SASH1: variants seen among roughly 807,000 people sequenced by gnomAD.
SASH1 encodes the protein SAM and SH3 domain-containing protein 1.
A neutral mutation model predicts 125.2 loss-of-function variants in SASH1; 44 were observed. The observed-to-expected ratio is 0.35, with a 90% CI of 0.28 to 0.45. The LOEUF (loss-of-function observed/expected upper bound fraction) is 0.45, where lower values mean the gene tolerates loss of function less well. SASH1 is among the 20% of genes least tolerant of loss of function. SASH1 has a pLI of 1.00. For synonymous variants in SASH1, 639 were observed against 649.1 expected (o/e 0.98, Z 0.24); for missense variants, 1,426 against 1,614.5 (o/e 0.88, Z 2.00).
intron 1 of SASH1, among the ~76,000 whole-genome samples, chr6:148,365,329 T>C (rs2114723461): frequency 6.6e-6 from 1 of 152,316 alleles, no homozygotes; most frequent in South Asian, 2.1e-4. Context: ...GCACCTACTA[T>C]TTGTATCAGT....
chr6:148,534,756 C>T lies in SASH1; in HGVS notation c.1950C>T (p.His650=). The change falls in exon 16 of 20, where the codon CAC becomes CAT. Residue 650 remains histidine (H), a synonymous_variant. Coordinates refer to ENST00000367467, the MANE Select transcript of SASH1 (RefSeq NM_015278.5). The part of the protein sequence containing the change: ...DLLDRINLKE[H]MPTFLFNGYE... Reference sequence around the variant, plus strand: ...CTTCCTTCTCCCTCTCACAGGAGCACATGCCCACTTTCCTGTTCAATGGAT... The same window carrying T: ...CTTCCTTCTCCCTCTCACAGGAGCATATGCCCACTTTCCTGTTCAATGGAT... The T allele has an allele frequency of 6.2e-7, 1 of 1,614,226 alleles. No individual in the cohort carries two copies. Among genetic ancestry groups the T allele is most frequent in the African/African-American group, 1.3e-5 (1 of 75,060 alleles).
chr6:148,305,379 G>T (rs369051780), intron 1 of SASH1, among the ~76,000 whole-genome samples: 1 of 135,712 alleles, frequency 7.4e-6, no homozygotes, highest in African/African-American at 2.5e-5. Context: ...AAACCGAGGC[G>T]GGGGGATCAT....
At chr6:148,241,533 A>G in the SASH1 span, among the ~76,000 whole-genome samples, 1 of 152,236 alleles carries the variant, frequency 6.6e-6, no homozygotes, top group Non-Finnish European at 1.5e-5. Context: ...TGTCTAAGAA[A>G]TTCATAGCAA....
chr6:148,443,557 A>G (rs1214946124), intron 4 of SASH1, among the ~76,000 whole-genome samples: 1 of 73,158 alleles, frequency 1.4e-5, no homozygotes, highest in East Asian at 3.8e-4. Context: ...TGAAACTATT[A>G]TGTTTCTCAT....
At chr6:148,371,450 TA>T (rs1782702068) in intron 1 of SASH1, among the ~76,000 whole-genome samples, 1 of 151,218 alleles carries the variant, frequency 6.6e-6, no homozygotes, top group African/African-American at 2.4e-5. Context: ...GTATTTTTAG[TA>T]GAGATGGGAT....
At chr6:148,417,582 A>AAAATAAATAAATAAATAAATAAAT (rs61198279) in intron 2 of SASH1, among the ~76,000 whole-genome samples, 1,484 of 147,768 alleles carry the variant, frequency 0.01, 16 homozygotes, top group East Asian at 0.035. Context: ...GGACTCTGTC[A>AAAATAAATAAATAAATAAATAAAT]AAATAAATAA....
intron 1 of SASH1, among the ~76,000 whole-genome samples, chr6:148,299,250 G>A (rs1779865539): frequency 6.6e-6 from 1 of 152,022 alleles, no homozygotes; most frequent in Non-Finnish European, 1.5e-5. Flanking sequence ...TGCTGGAGAT[G>A]TAGTAAAATA....
intron 4 of SASH1, among the ~76,000 whole-genome samples, chr6:148,448,115 AGTGTGTGT>A (rs34309514): frequency 2.7e-5 from 4 of 146,816 alleles, no homozygotes; most frequent in Admixed American, 2.7e-4. Flanking sequence ...CAGTGGAGAG[AGTGTGTGT>A]GTGTGTGTGT....
chr6:148,373,696 G>A (rs977652539), intron 1 of SASH1, among the ~76,000 whole-genome samples: 6 of 152,118 alleles, frequency 3.9e-5, no homozygotes, highest in African/African-American at 9.7e-5. Context: ...TGGGCTGGGC[G>A]CAGTGGCTCA....
At chr6:148,446,085 G>GTTTT (rs1562416326) in intron 4 of SASH1, among the ~76,000 whole-genome samples, 1 of 108,864 alleles carries the variant, frequency 9.2e-6, no homozygotes, top group Non-Finnish European at 1.9e-5. Flanking sequence ...ACAACATAGG[G>GTTTT]TTCTTTTTTT....
intron 4 of SASH1, among the ~76,000 whole-genome samples, chr6:148,446,119 T>TTTC (rs1776769861): frequency 2.5e-5 from 1 of 40,034 alleles, no homozygotes; most frequent in Non-Finnish European, 4.7e-5. Context: ...TTTTTTTTTT[T>TTTC]TTTTTTTGAG....
At chr6:148,379,326 G>T (rs776730450) in intron 1 of SASH1, among the ~76,000 whole-genome samples, 2 of 152,122 alleles carry the variant, frequency 1.3e-5, no homozygotes, top group African/African-American at 2.4e-5. Context: ...GGACTCAGAG[G>T]AATTACATTT....
At chr6:148,384,014 G>T (rs1400914703) in intron 1 of SASH1, among the ~76,000 whole-genome samples, 1 of 152,106 alleles carries the variant, frequency 6.6e-6, no homozygotes. Context: ...AGCTGACACG[G>T]GTGATGACTC....
At position 148,514,068 on chromosome 6, in the gene SASH1, C is replaced by A; in HGVS notation, c.730-256C>A. 4.2e-6 allele frequency: 5 copies of A among 1,203,768 alleles called. No individual in the cohort carries two copies. The South Asian group carries it at 7.0e-5, about 17-fold the overall frequency. 74.6% of individuals were successfully genotyped at this position (1,203,768 alleles called of 1,614,324 possible). A position where few individuals can be genotyped will look rare whatever the true frequency, so the allele number is the denominator to read the frequency against. On this transcript the variant is annotated intron_variant, in intron 8 of 19. Coordinates refer to ENST00000367467, the MANE Select transcript of SASH1 (RefSeq NM_015278.5). ...AGGAAGTAGTTGAGACAGATGCCCC[C>A]ACAGGCCACTTGCCCCCACTTGCCC...
chr6:148,254,428 A>G, the SASH1 span, among the ~76,000 whole-genome samples: 16 of 152,322 alleles, frequency 1.1e-4, no homozygotes, highest in Admixed American at 8.5e-4. Flanking sequence ...AATGTAGTGC[A>G]TTATGGTCAC....
At chr6:148,209,197 A>G in the SASH1 span, among the ~76,000 whole-genome samples, 2 of 152,260 alleles carry the variant, frequency 1.3e-5, no homozygotes, top group African/African-American at 4.8e-5. Flanking sequence ...CTGATGCCAG[A>G]TGATTCAAGA....
chr6:148,281,595 G>A (rs1779342422), intron 1 of SASH1, among the ~76,000 whole-genome samples: 1 of 152,062 alleles, frequency 6.6e-6, no homozygotes, highest in Admixed American at 6.6e-5. Flanking sequence ...GCAGAATAAT[G>A]GACAGGGACA....
At chr6:148,235,113 C>T in the SASH1 span, among the ~76,000 whole-genome samples, 1 of 152,170 alleles carries the variant, frequency 6.6e-6, no homozygotes, top group Non-Finnish European at 1.5e-5. Flanking sequence ...CAATGGTCTA[C>T]ACCCCAGGAG....
intron 1 of SASH1, among the ~76,000 whole-genome samples, chr6:148,384,593 A>T (rs1783284630): frequency 1.3e-5 from 2 of 152,158 alleles, no homozygotes; most frequent in Non-Finnish European, 2.9e-5. Context: ...ACATTATTTA[A>T]ATTTCCTGCA....
Sources: allele counts gnomAD v4.1 joint callset (sites outside exome capture counted in the v4.1 genomes callset), GRCh38; gene constraint gnomAD v4.1.1; transcripts MANE v1.5; gene names NCBI Gene and HGNC (gene_info 2026-07-23, HGNC 2026-07-21).